AGA: variants seen among roughly 807,000 people sequenced by gnomAD.
AGA encodes the protein N(4)-(beta-N-acetylglucosaminyl)-L-asparaginase.
Under a neutral mutation model 40.1 loss-of-function variants are expected in AGA, and 31 were observed. The observed-to-expected ratio is 0.77, with a 90% CI of 0.58 to 1.04. The LOEUF (loss-of-function observed/expected upper bound fraction) is 1.04. Ranked by LOEUF, AGA falls within the 50% of genes least tolerant of loss-of-function variation. The pLI, the probability that AGA is intolerant of heterozygous loss-of-function variation, is 0.00. For synonymous variants in AGA, 148 were observed against 144.0 expected, an observed-to-expected ratio of 1.03 and a Z score of -0.20; for missense variants, 445 against 435.4, an observed-to-expected ratio of 1.02 and a Z score of -0.20.
chr4:177,440,528 G>T, intron 1 of AGA, 102 bp from the exon 2 acceptor site: 2 of 1,274,108 alleles, frequency 1.6e-6, no homozygotes, highest in South Asian at 1.3e-5. Flanking sequence ...CACATTTACT[G>T]AGTTAAGCTG....
chr4:177,441,347 G>A (rs905426636), intron 1 of AGA, among the ~76,000 whole-genome samples: 20 of 152,090 alleles, frequency 1.3e-4, no homozygotes, highest in African/African-American at 4.3e-4. Context: ...CCAAATTCTG[G>A]AGCCAATTCT....
In AGA at chr4:177,433,215, G is replaced by C; in HGVS notation, c.939C>G (p.Tyr313Ter). The change falls in exon 8 of 9, where the codon TAC becomes TAG. Residue 313 changes from tyrosine (Y) to a stop codon, truncating the protein, a stop_gained and splice_region_variant. Coordinates refer to ENST00000264595, the MANE Select transcript of AGA (RefSeq NM_000027.4). LOFTEE classifies it high-confidence loss of function. ...AVICANVTGS[Y>*]GAACNKLSTF... ...ATACAAAATCCAAACACAACTTACC[G>C]TAACTTCCAGTCACATTGGCACATA... The C allele has an allele frequency of 6.2e-7, 1 of 1,613,988 alleles. No homozygotes were observed.
At chr4:177,433,592 A>G (rs1260388092) in intron 7 of AGA, among the ~76,000 whole-genome samples, 3 of 152,234 alleles carry the variant, frequency 2.0e-5, no homozygotes, top group African/African-American at 7.2e-5. Flanking sequence ...GCTTTGGCTG[A>G]ATAACTGTCA....
chr4:177,439,863 GA>G lies in AGA; in HGVS notation c.282-176del, dbSNP rs11312963. Among the ~76,000 whole-genome samples the G allele has an allele frequency of 0.93, 141,891 of 152,072 alleles. 66,997 individuals are homozygous for G. The highest frequency in any genetic ancestry group is 1 in the East Asian group (5,174 of 5,174). On this transcript the variant is annotated intron_variant, in intron 2 of 8. Coordinates refer to ENST00000264595, the MANE Select transcript of AGA (RefSeq NM_000027.4). ...ATTCCCACAATCAGACAAAATTAAG[GA>G]AAAAAAATAGAAAATCAACTTGCCA...
At position 177,440,422 on chromosome 4, in the gene AGA, C is replaced by T. The variant is rs1394584340; in HGVS notation, c.132G>A (p.Trp44Ter). 6.2e-7 allele frequency: 1 copy of T among 1,613,868 alleles called. No individual in the cohort carries two copies. Among genetic ancestry groups the T allele is most frequent in the Non-Finnish European group, 8.5e-7 (1 of 1,180,006 alleles). The change falls in exon 2 of 9, where the codon TGG (tryptophan) becomes TGA (stop). Residue 44 changes from tryptophan (W) to a stop codon, truncating the protein, a stop_gained. Transcript: ENST00000264595. LOFTEE classifies it high-confidence loss of function. The part of the protein sequence containing the change: ...WPFKNATEAA[W>*]RALASGGSAL... ...CAGAGCCTCCAGATGCTAATGCCCT[C>T]CACGCTGTTAATCAAATCCCAATAA...
At chr4:177,433,440 T>G (rs995140002) in intron 7 of AGA, 93 bp from the exon 8 acceptor site, 2 of 1,456,538 alleles carry the variant, frequency 1.4e-6, no homozygotes, top group Admixed American at 1.7e-5. Context: ...CCACCAAAAT[T>G]GCCACATGTG....
At chr4:177,439,451 T>C (rs1050343052) in intron 3 of AGA, 125 bp downstream of exon 3, 7 of 787,980 alleles carry the variant, frequency 8.9e-6, no homozygotes, top group Non-Finnish European at 1.6e-5. Context: ...TCCAGTTCAA[T>C]AGATGTTAAG....
Position 177,431,722 on chromosome 4 carries a change from C to G in AGA, c.1027G>C (p.Val343Leu). 6.2e-7 allele frequency: 1 copy of G among 1,612,064 alleles called. No homozygotes were observed. ...GTAAAGATGGATTAGATGCAGTCCA[C>G]TTTTTCCTCAGTTGGCTGATTTTTT... ...SEKNQPTEEK[V>L]DCI Residue 343 changes from valine to leucine, a missense_variant, in exon 9 of 9, where the codon GTG becomes CTG. Val to Leu is a conservative substitution (Grantham distance 32). Coordinates refer to ENST00000264595, the MANE Select transcript of AGA (RefSeq NM_000027.4).
chr4:177,440,651 G>T (rs1736969767), intron 1 of AGA, among the ~76,000 whole-genome samples: 2 of 142,174 alleles, frequency 1.4e-5, no homozygotes, highest in Non-Finnish European at 3.1e-5. Flanking sequence ...CAAGCTGAAG[G>T]TTTTTTTTTT....
In AGA at chr4:177,433,245, A is replaced by G; in HGVS notation, c.909T>C (p.Ala303=). ...TTCCAGTCACATTGGCACATATAACAGCCCCAAAGAATTCTGGAAAATGCT... is the reference window on the plus strand; with the variant it reads ...TTCCAGTCACATTGGCACATATAACGGCCCCAAAGAATTCTGGAAAATGCT... The part of the protein sequence containing the change: ...IQKHFPEFFG[A]VICANVTGSY... The change falls in exon 8 of 9, where the codon GCT becomes GCC. Residue 303 remains alanine, a synonymous_variant. Coordinates refer to ENST00000264595, the MANE Select transcript of AGA (RefSeq NM_000027.4). 2 of 1,614,134 alleles carry G rather than the reference A, an allele frequency of 1.2e-6. No homozygotes were observed. Among genetic ancestry groups the G allele is most frequent in the East Asian group, 2.2e-5 (1 of 44,850 alleles).
chr4:177,438,947 C>A, intron 3 of AGA, 90 bp from the exon 4 acceptor site: 1 of 788,798 alleles, frequency 1.3e-6, no homozygotes. Context: ...GGGTCAGCAG[C>A]ATCTTAAGTG....
rs1000716995 is a variant in AGA, at chr4:177,433,313, C to A, written c.841G>T (p.Asp281Tyr). The change falls in exon 8 of 9, where the codon GAT becomes TAT. Residue 281 changes from aspartate (D) to tyrosine (Y), a missense_variant. By Grantham distance (160) the Asp-to-Tyr change is radical (BLOSUM62 -3). Coordinates refer to ENST00000264595, the MANE Select transcript of AGA (RefSeq NM_000027.4). ...QAVEYMRRGE[D>Y]PTIACQKVIS... The stretch of plus-strand genomic sequence containing the variant: ...ACTTTTTGGCAAGCTATGGTTGGAT[C>A]TTCTCCTCTTCTCATGTATTCTACA... The A allele has an allele frequency of 3.1e-6, 5 of 1,613,942 alleles. No individual in the cohort carries two copies. The highest frequency in any genetic ancestry group is 1.6e-4 in the Middle Eastern group (1 of 6,080).
At chr4:177,437,598 C>T (rs946110412) in intron 4 of AGA, 79 bp from the exon 5 acceptor site, 7 of 989,234 alleles carry the variant, frequency 7.1e-6, no homozygotes, top group Non-Finnish European at 9.4e-6. Flanking sequence ...AATCGCTAAA[C>T]ACTAGCAAGA....
At position 177,439,555 on chromosome 4, in the gene AGA, TCA is replaced by T. The variant is rs575232762; in HGVS notation, c.394+19_394+20del. On this transcript the variant is annotated intron_variant, in intron 3 of 8. Coordinates refer to ENST00000264595, the MANE Select transcript of AGA (RefSeq NM_000027.4). ...TATAGTCAAAAGACTAGAAAAAATTTCAGTGTAGTTAAAAAAATACCTGACTC... is the reference window on the plus strand; with the variant it reads ...TATAGTCAAAAGACTAGAAAAAATTTGTGTAGTTAAAAAAATACCTGACTC... 6.2e-4 allele frequency: 955 copies of T among 1,547,530 alleles called. 5 individuals are homozygous for T. The African/African-American group carries it at 0.011, about 18-fold the overall frequency.
rs1736693173 is a variant in AGA at position 177,433,445 on chromosome 4, C to A, written c.807-98G>T. The A allele has an allele frequency of 3.6e-6, 5 of 1,405,080 alleles. No individual in the cohort carries two copies. The African/African-American group carries it at 4.2e-5, about 12-fold the overall frequency. The allele number at this position is 1,405,080 out of a possible 1,614,324, so 87.0% of individuals were successfully genotyped here. ...GAAATTAAAACCACCAAAATTGCCA[C>A]ATGTGATAGAATACACATAAATGAA... is the stretch of plus-strand genomic sequence containing the variant. On this transcript the variant is annotated intron_variant, in intron 7 of 8. Transcript: ENST00000264595.
intron 5 of AGA, 29 bp from the exon 6 acceptor site, chr4:177,436,380 A>C: frequency 6.4e-7 from 1 of 1,567,346 alleles, no homozygotes; most frequent in African/African-American, 1.4e-5. Flanking sequence ...AAATCACTGT[A>C]GGTGTATAAA....
chr4:177,437,494 T>C lies in AGA; in HGVS notation c.533A>G (p.Tyr178Cys). ...WRNVIPDPSK[Y>C]CGPYKPPGIL... ...ACCAGGTGGTTTGTAGGGTCCGCAG[T>C]ATTTTGAGGGATCTGGTATAACATT... Residue 178 changes from tyrosine to cysteine, a missense_variant, in exon 5 of 9, where the codon TAC becomes TGC. Tyr to Cys is a radical substitution (Grantham distance 194). Coordinates refer to ENST00000264595, the MANE Select transcript of AGA (RefSeq NM_000027.4). The C allele has an allele frequency of 6.2e-7, 1 of 1,610,826 alleles. No individual in the cohort carries two copies.
rs1184630193 is a variant in AGA at position 177,431,713 on chromosome 4, T to C, written c.1036A>G (p.Ile346Val). ...NQPTEEKVDC[I>V] ...ATGTTGACAGTAAAGATGGATTAGA[T>C]GCAGTCCACTTTTTCCTCAGTTGGC... Residue 346 changes from isoleucine (I) to valine (V), a missense_variant, in exon 9 of 9, where the codon ATC becomes GTC. By Grantham distance (29) the Ile-to-Val change is conservative. Transcript: ENST00000264595. 1 of 1,607,960 alleles carries C rather than the reference T, an allele frequency of 6.2e-7. No homozygotes were observed.
Position 177,436,293 on chromosome 4 carries a change from T to A in AGA, c.681A>T (p.Ile227=). ...HIAAGTSTNG[I]KFKIHGRVGD... is the part of the protein sequence containing the mutation. ...ACACTAACCCATGTATTTTGAATTTTATACCATTTGTAGATGTACCAGCAG... is the reference window on the plus strand; with the variant it reads ...ACACTAACCCATGTATTTTGAATTTAATACCATTTGTAGATGTACCAGCAG... The change falls in exon 6 of 9, where the codon ATA becomes ATT. Residue 227 remains isoleucine (I), a synonymous_variant. Transcript: ENST00000264595. 2.5e-6 allele frequency: 4 copies of A among 1,613,282 alleles called. No individual in the cohort carries two copies. Among genetic ancestry groups the A allele is most frequent in the Non-Finnish European group, 3.4e-6 (4 of 1,179,354 alleles).
Sources: gnomAD v4.1 joint callset for allele counts (sites outside exome capture counted in the v4.1 genomes callset) on GRCh38, gnomAD v4.1.1 for gene constraint, MANE v1.5 for transcripts, NCBI Gene and HGNC (gene_info 2026-07-23, HGNC 2026-07-21) for gene names.